Variants in CDH18 observed in about 807,000 individuals in gnomAD.
The protein encoded by CDH18 is cadherin 18, also known as cadherin-18.
A neutral mutation model predicts 67.9 loss-of-function variants in CDH18; 31 were observed. That is an observed-to-expected ratio of 0.46 (90% CI 0.34 to 0.62). The LOEUF (loss-of-function observed/expected upper bound fraction) is 0.62. Among genes scored for constraint, CDH18 ranks in the 20% least tolerant of loss-of-function variants. The pLI, the probability that CDH18 is intolerant of heterozygous loss-of-function variation, is 0.01. For missense variants in CDH18, 890 were observed against 975.5 expected (o/e 0.91, Z 1.17); for synonymous variants, 362 against 347.2 (o/e 1.04, Z -0.48).
At chr5:19,535,568 C>A (rs1749287161) in intron 9 of CDH18, among the ~76,000 whole-genome samples, 1 of 152,118 alleles carries the variant, frequency 6.6e-6, no homozygotes, top group Admixed American at 6.6e-5. Flanking sequence ...CACTAAATTT[C>A]ATTTCTATTA....
intron 5 of CDH18, among the ~76,000 whole-genome samples, chr5:19,675,393 A>C (rs2150363987): frequency 6.6e-6 from 1 of 152,118 alleles, no homozygotes; most frequent in East Asian, 1.9e-4. Flanking sequence ...ACCGGGGCTT[A>C]TTTCATCCCT....
chr5:19,911,647 A>C (rs181361260), intron 2 of CDH18, among the ~76,000 whole-genome samples: 26 of 151,960 alleles, frequency 1.7e-4, no homozygotes, highest in African/African-American at 6.3e-4. Flanking sequence ...GACAGCTGTC[A>C]ACAAGCCAGG....
chr5:19,855,334 GA>G (rs1784154925), intron 2 of CDH18, among the ~76,000 whole-genome samples: 1 of 152,052 alleles, frequency 6.6e-6, no homozygotes, highest in African/African-American at 2.4e-5. Context: ...ATTTTTAAAT[GA>G]GATAAAATAG....
intron 1 of CDH18, among the ~76,000 whole-genome samples, chr5:20,321,678 C>CT: frequency 6.6e-6 from 1 of 151,814 alleles, no homozygotes; most frequent in East Asian, 1.9e-4. Context: ...TCTTTCTTTC[C>CT]TTTTTCTTTC....
intron 2 of CDH18, among the ~76,000 whole-genome samples, chr5:20,177,177 C>A (rs1737301216): frequency 6.6e-6 from 1 of 152,022 alleles, no homozygotes; most frequent in African/African-American, 2.4e-5. Context: ...TCTATGGTTT[C>A]ATTTGCTGAA....
At chr5:20,262,490 C>A (rs754948768) in intron 1 of CDH18, among the ~76,000 whole-genome samples, 6 of 152,156 alleles carry the variant, frequency 3.9e-5, no homozygotes, top group Non-Finnish European at 7.4e-5. Context: ...TGCATAAATT[C>A]TAAGGTACTG....
intron 8 of CDH18, among the ~76,000 whole-genome samples, chr5:19,563,096 C>T (rs1739741844): frequency 6.6e-6 from 1 of 152,132 alleles, no homozygotes; most frequent in South Asian, 2.1e-4. Context: ...TGCTTAATGG[C>T]TCTCTGAGCA....
chr5:20,029,771 G>A (rs1739225414), intron 2 of CDH18, among the ~76,000 whole-genome samples: 1 of 152,104 alleles, frequency 6.6e-6, no homozygotes, highest in African/African-American at 2.4e-5. Flanking sequence ...TTCTTTTCCT[G>A]TGTAACACAT....
intron 2 of CDH18, among the ~76,000 whole-genome samples, chr5:19,954,480 TAGAC>T (rs1288156337): frequency 6.6e-6 from 1 of 152,020 alleles, no homozygotes; most frequent in Non-Finnish European, 1.5e-5. Flanking sequence ...TATCCCAAAT[TAGAC>T]TGATGTATTT....
chr5:20,152,465 GTAAAGAT>G (rs1278647974), intron 2 of CDH18, among the ~76,000 whole-genome samples: 2 of 151,464 alleles, frequency 1.3e-5, no homozygotes, highest in Non-Finnish European at 2.9e-5. Context: ...CCTTGTAGAC[GTAAAGAT>G]TAAATATCTC....
chr5:20,047,600 T>C (rs1469165757), intron 2 of CDH18, among the ~76,000 whole-genome samples: 2 of 151,860 alleles, frequency 1.3e-5, no homozygotes, highest in Non-Finnish European at 2.9e-5. Context: ...AGCAAACGTT[T>C]GCTTTCAGAT....
At chr5:20,088,466 A>G (rs907483591) in intron 2 of CDH18, among the ~76,000 whole-genome samples, 23 of 152,186 alleles carry the variant, frequency 1.5e-4, no homozygotes, top group Admixed American at 2.0e-4. Flanking sequence ...GAAAACTAAA[A>G]GGAATACAGA....
chr5:19,478,222 G>T (rs2126540994), intron 12 of CDH18, among the ~76,000 whole-genome samples: 1 of 152,126 alleles, frequency 6.6e-6, no homozygotes, highest in South Asian at 2.1e-4. Context: ...ACTTGAATTT[G>T]AACCCATTCC....
intron 2 of CDH18, among the ~76,000 whole-genome samples, chr5:19,959,750 C>G (rs1455906255): frequency 6.6e-6 from 1 of 151,992 alleles, no homozygotes; most frequent in East Asian, 1.9e-4. Flanking sequence ...AGAAATACAC[C>G]CTTCAATGAT....
chr5:19,991,134 G>T (rs80038929), upstream of CDH18, among the ~76,000 whole-genome samples: 1,115 of 152,254 alleles, frequency 7.3e-3, 62 homozygotes, highest in East Asian at 0.16. Context: ...GAGAGACTCA[G>T]AAAATTGTCT....
chr5:19,860,976 T>A (rs1274676474), intron 2 of CDH18, among the ~76,000 whole-genome samples: 1 of 152,164 alleles, frequency 6.6e-6, no homozygotes, highest in African/African-American at 2.4e-5. Context: ...CATCTGAATG[T>A]AGGACTAAGA....
chr5:20,240,193 C>T (rs905130065), intron 2 of CDH18, among the ~76,000 whole-genome samples: 1 of 151,498 alleles, frequency 6.6e-6, no homozygotes, highest in Admixed American at 6.6e-5. Flanking sequence ...ATTACTAATG[C>T]TAAAGGAAAA....
In CDH18 at chr5:20,561,600, G is replaced by C. The variant is rs536072635; in HGVS notation, c.-580+13862C>G. On this transcript the variant is annotated intron_variant, in intron 1 of 14. Transcript: ENST00000507958. ...GTTGCCAGGGGTAAGGGTGGAAGGA[G>C]AAACGAATAGGTCAAGCATAGAAGA... 5.3e-5 allele frequency among the ~76,000 whole-genome samples: 8 copies of C among 152,128 alleles called. No individual in the cohort carries two copies. In the East Asian group the frequency reaches 1.5e-3, roughly 29 times the overall value.
chr5:19,513,716 G>A (rs1745476880), intron 10 of CDH18, among the ~76,000 whole-genome samples: 2 of 151,654 alleles, frequency 1.3e-5, no homozygotes, highest in Admixed American at 6.6e-5. Flanking sequence ...GTTAGTTATG[G>A]CTGAACTGTT....
Sources: allele counts gnomAD v4.1 joint callset (sites outside exome capture counted in the v4.1 genomes callset), GRCh38; gene constraint gnomAD v4.1.1; transcripts MANE v1.5; gene names NCBI Gene and HGNC (gene_info 2026-07-23, HGNC 2026-07-21).